The following NRXN3 variants were observed in gnomAD, a reference collection of about 807,000 sequenced individuals.
NRXN3 encodes neurexin 3.
A neutral mutation model predicts 137.6 loss-of-function variants in NRXN3; 32 were observed. The ratio of observed to expected loss-of-function variants is 0.23; its 90% CI spans 0.18 to 0.31. The LOEUF (loss-of-function observed/expected upper bound fraction) is 0.31, where lower values mean the gene tolerates loss of function less well. Among genes scored for constraint, NRXN3 ranks in the 10% least tolerant of loss-of-function variants. The probability of loss-of-function intolerance (pLI) is 1.00; values close to 1 mark genes in which losing one functional copy is unlikely to be tolerated. For missense variants in NRXN3, 1,574 were observed against 2,062.5 expected, an observed-to-expected ratio of 0.76 and a Z score of 4.59; for synonymous variants, 798 against 784.5, an observed-to-expected ratio of 1.02 and a Z score of -0.29.
intron 15 of NRXN3, among the ~76,000 whole-genome samples, chr14:79,209,453 T>TTC (rs144042274): frequency 0.028 from 4,242 of 152,260 alleles, 139 homozygotes; most frequent in East Asian, 0.096. Flanking sequence ...GTGTTATAAA[T>TTC]TCTGAGTCAT....
intron 15 of NRXN3, among the ~76,000 whole-genome samples, chr14:79,234,336 A>ATG (rs2072966977): frequency 9.5e-6 from 1 of 105,778 alleles, no homozygotes; most frequent in African/African-American, 3.5e-5. Flanking sequence ...ATATATATAT[A>ATG]TATAATATTT....
intron 16 of NRXN3, among the ~76,000 whole-genome samples, chr14:79,604,897 T>G (rs528810122): frequency 6.6e-6 from 1 of 151,874 alleles, no homozygotes; most frequent in South Asian, 2.1e-4. Flanking sequence ...CTGGGCATGG[T>G]GGTGGGTACA....
rs760620423 is a variant in NRXN3 at position 78,967,189 on chromosome 14, T to G, written c.2778-19T>G. 2.6e-5 allele frequency: 41 copies of G among 1,578,076 alleles called. No homozygotes were observed. In the African/African-American group the frequency reaches 3.8e-4, roughly 15 times the overall value. On this transcript the variant is annotated intron_variant, in intron 12 of 20. Transcript: ENST00000335750. ...TCGGGGATTTTCCAATTATTGTTTT[T>G]TTTTTTTTTTCTTCCTAGGTATATA...
At chr14:79,693,712 T>C (rs1216970095) in intron 18 of NRXN3, among the ~76,000 whole-genome samples, 4 of 151,098 alleles carry the variant, frequency 2.6e-5, no homozygotes, top group Non-Finnish European at 5.9e-5. Context: ...TTTCTTACAA[T>C]AGAATTGTTA....
At chr14:79,487,670 C>T (rs2096670357) in intron 16 of NRXN3, among the ~76,000 whole-genome samples, 1 of 146,096 alleles carries the variant, frequency 6.8e-6, no homozygotes. Context: ...ACAGGGGTAA[C>T]TGTCCATCTG....
chr14:79,728,120 CA>C (rs1339260946), intron 19 of NRXN3, among the ~76,000 whole-genome samples: 1 of 152,132 alleles, frequency 6.6e-6, no homozygotes, highest in Non-Finnish European at 1.5e-5. Flanking sequence ...TACTTTAGAG[CA>C]AGAGTAGTCC....
intron 14 of NRXN3, among the ~76,000 whole-genome samples, chr14:78,982,399 A>G (rs1184713673): frequency 1.3e-5 from 2 of 152,284 alleles, no homozygotes; most frequent in African/African-American, 4.8e-5. Context: ...GTCCAGTAGG[A>G]TTTGAAAGAC....
At chr14:79,667,378 C>T (rs1488318758) in intron 17 of NRXN3, among the ~76,000 whole-genome samples, 2 of 151,996 alleles carry the variant, frequency 1.3e-5, no homozygotes, top group African/African-American at 4.8e-5. Context: ...ACTTGGAGAA[C>T]ATGCTCTCGG....
chr14:78,789,321 A>C (rs1281857660), intron 8 of NRXN3, among the ~76,000 whole-genome samples: 2 of 152,140 alleles, frequency 1.3e-5, no homozygotes, highest in South Asian at 2.1e-4. Context: ...CATATGCTCT[A>C]GTTAAGGGGT....
intron 4 of NRXN3, among the ~76,000 whole-genome samples, chr14:78,416,054 G>A (rs775270665): frequency 1.3e-5 from 2 of 152,170 alleles, no homozygotes; most frequent in African/African-American, 4.8e-5. Flanking sequence ...AGTAAAGCAA[G>A]TCACATGGAC....
intron 4 of NRXN3, among the ~76,000 whole-genome samples, chr14:78,416,958 A>G (rs2093173418): frequency 6.6e-6 from 1 of 152,196 alleles, no homozygotes; most frequent in Admixed American, 6.5e-5. Flanking sequence ...CTTTATTTAA[A>G]CAGATATAAG....
chr14:79,669,569 G>C (rs566452105), intron 17 of NRXN3, among the ~76,000 whole-genome samples: 1 of 152,186 alleles, frequency 6.6e-6, no homozygotes, highest in Admixed American at 6.6e-5. Flanking sequence ...TGTTTTAAAA[G>C]AATGTTTTCA....
At chr14:78,837,616 C>T (rs1332534879) in intron 10 of NRXN3, among the ~76,000 whole-genome samples, 1 of 151,970 alleles carries the variant, frequency 6.6e-6, no homozygotes, top group Non-Finnish European at 1.5e-5. Context: ...TTGGTTGTTC[C>T]CTGCTCCCCA....
chr14:78,992,079 T>C (rs31404), intron 15 of NRXN3, among the ~76,000 whole-genome samples: 19,790 of 152,182 alleles, frequency 0.13, 3,657 homozygotes, highest in African/African-American at 0.41. Flanking sequence ...TGATTGGAAA[T>C]CCAAGTGTAA....
chr14:78,561,084 CA>C, intron 4 of NRXN3, among the ~76,000 whole-genome samples: 1 of 152,184 alleles, frequency 6.6e-6, no homozygotes, highest in Non-Finnish European at 1.5e-5. Flanking sequence ...CACTGGGTAA[CA>C]GTGGGGCTAT....
intron 10 of NRXN3, among the ~76,000 whole-genome samples, chr14:78,902,558 G>T (rs944512196): frequency 6.6e-6 from 1 of 151,950 alleles, no homozygotes; most frequent in African/African-American, 2.4e-5. Flanking sequence ...AGGAAGGGGA[G>T]GAGGAGAAGT....
chr14:79,082,497 C>A (rs10138639), intron 15 of NRXN3, among the ~76,000 whole-genome samples: 150,668 of 152,030 alleles, frequency 0.99, 74,682 homozygotes, highest in Middle Eastern at 1. Flanking sequence ...AGCACCAAAA[C>A]GTTGTGAGTT....
intron 8 of NRXN3, among the ~76,000 whole-genome samples, chr14:78,745,640 C>T: frequency 6.6e-6 from 1 of 152,114 alleles, no homozygotes; most frequent in East Asian, 1.9e-4. Flanking sequence ...GGGCATGGTG[C>T]CAGGCACAGT....
intron 1 of NRXN3, among the ~76,000 whole-genome samples, chr14:78,203,868 G>GTGTGGTT (rs2061932034): frequency 1.3e-5 from 2 of 149,366 alleles, no homozygotes; most frequent in South Asian, 4.2e-4. Context: ...TTGTGTGTGT[G>GTGTGGTT]TGTGGTTTGT....
Sources: allele counts gnomAD v4.1 joint callset (sites outside exome capture counted in the v4.1 genomes callset), GRCh38; gene constraint gnomAD v4.1.1; transcripts MANE v1.5; gene names NCBI Gene and HGNC (gene_info 2026-07-23, HGNC 2026-07-21).